The following EFCAB7 variants were observed in gnomAD, a reference collection of about 807,000 sequenced individuals.
EFCAB7 encodes the protein EF-hand calcium binding domain 7.
In EFCAB7, 66 loss-of-function variants were observed where a neutral mutation model predicts 77.1. The ratio of observed to expected loss-of-function variants is 0.86; its 90% CI spans 0.70 to 1.05. The LOEUF (loss-of-function observed/expected upper bound fraction) is 1.05, where lower values mean the gene tolerates loss of function less well. EFCAB7 is among the 50% of genes least tolerant of loss of function. EFCAB7 has a pLI of 0.00. For synonymous variants in EFCAB7, 225 were observed against 243.3 expected, an observed-to-expected ratio of 0.92 and a Z score of 0.70; for missense variants, 638 against 730.5, an observed-to-expected ratio of 0.87 and a Z score of 1.46.
At chr1:63,575,295 G>C (rs1647380506), downstream of EFCAB7, among the ~76,000 whole-genome samples, 1 of 151,800 alleles carries the variant, frequency 6.6e-6, no homozygotes, top group Non-Finnish European at 1.5e-5. Context: ...ATTAGATATT[G>C]GGGTAGACTT....
At chr1:63,547,461 T>G (rs1288657182) in intron 7 of EFCAB7, 1 of 152,158 alleles carries the variant, frequency 6.6e-6, no homozygotes, top group Admixed American at 6.5e-5. Context: ...GAAAGGGGGT[T>G]AGTGAGTGCT....
intron 11 of EFCAB7, among the ~76,000 whole-genome samples, chr1:63,562,449 TTATATATATA>T (rs869302346): frequency 3.9e-3 from 88 of 22,480 alleles, no homozygotes; most frequent in Admixed American, 0.011. Flanking sequence ...CTTAATTTAT[TTATATATATA>T]TATATATATA....
rs1262035886 is a variant in EFCAB7, at chr1:63,532,763, A to G, written c.486+7A>G. 8 of 1,587,008 alleles carry G rather than the reference A, an allele frequency of 5.0e-6. No homozygotes were observed. In the African/African-American group the frequency reaches 1.1e-4, roughly 22 times the overall value. On this transcript the variant is annotated splice_region_variant and intron_variant, in intron 4 of 13. Transcript: ENST00000371088. ...CAAATTTGACTACATCAAGGTACATAAGCTCACATTGATGTAAATTTACAT... is the reference window on the plus strand; with the variant it reads ...CAAATTTGACTACATCAAGGTACATGAGCTCACATTGATGTAAATTTACAT...
intron 6 of EFCAB7, among the ~76,000 whole-genome samples, chr1:63,545,219 CTTTA>C (rs1188259941): frequency 6.6e-6 from 1 of 151,702 alleles, no homozygotes; most frequent in Non-Finnish European, 1.5e-5. Context: ...GCCCAGCCAA[CTTTA>C]TTTTTCTTAC....
chr1:63,559,044 G>A (rs1647062750), intron 10 of EFCAB7, among the ~76,000 whole-genome samples: 1 of 151,608 alleles, frequency 6.6e-6, no homozygotes, highest in Non-Finnish European at 1.5e-5. Flanking sequence ...AAATTGGCCT[G>A]TAATCCCAGC....
At position 63,533,508 on chromosome 1, in the gene EFCAB7, A is replaced by G. The variant is rs768401511; in HGVS notation, c.541A>G (p.Lys181Glu). The change falls in exon 5 of 14, where the codon AAA (lysine) becomes GAA (glutamate). Residue 181 changes from lysine (K) to glutamate (E), a missense_variant. Physicochemically the swap from Lys to Glu is moderately conservative, Grantham distance 56. Coordinates refer to ENST00000371088, the MANE Select transcript of EFCAB7 (RefSeq NM_032437.4). ...NEQCLKTTLE[K>E]LEVDSKLMRH... is the part of the protein sequence containing the mutation. Reference sequence around the variant, plus strand: ...GCAATGTCTCAAGACTACACTAGAAAAACTAGAGGTTGACAGTAAATTGAT... The same window carrying G: ...GCAATGTCTCAAGACTACACTAGAAGAACTAGAGGTTGACAGTAAATTGAT... The G allele has an allele frequency of 2.5e-6, 4 of 1,612,376 alleles. No homozygotes were observed. The highest frequency in any genetic ancestry group is 1.7e-4 in the Middle Eastern group (1 of 6,060).
chr1:63,553,443 G>A (rs1467721035), intron 8 of EFCAB7, among the ~76,000 whole-genome samples: 1 of 152,094 alleles, frequency 6.6e-6, no homozygotes, highest in Non-Finnish European at 1.5e-5. Flanking sequence ...GGGTTCAAGT[G>A]ATTCTCCTGC....
rs750547785 is a variant in EFCAB7 at position 63,555,492 on chromosome 1, A to G, written c.1191A>G (p.Glu397=). The G allele has an allele frequency of 1.9e-6, 3 of 1,612,992 alleles. No individual in the cohort carries two copies. The Admixed American group carries it at 5.0e-5, about 27-fold the overall frequency. Residue 397 remains glutamate (E), a synonymous_variant, in exon 9 of 14, where the codon GAA becomes GAG. Transcript: ENST00000371088. ...AQLVYRDETG[E]LFLTKEFKST... is the part of the protein sequence containing the mutation. The stretch of plus-strand genomic sequence containing the variant: ...TTGTATATAGAGATGAAACAGGGGA[A>G]TTATTCCTTACAAAGGAATTTAAGT...
intron 11 of EFCAB7, among the ~76,000 whole-genome samples, chr1:63,565,438 G>A (rs1647159354): frequency 6.6e-6 from 1 of 151,940 alleles, no homozygotes; most frequent in South Asian, 2.1e-4. Flanking sequence ...AACTCTGAGA[G>A]ACAACCTAGG....
intron 4 of EFCAB7, among the ~76,000 whole-genome samples, chr1:63,533,246 G>A (rs1411767864): frequency 6.6e-6 from 1 of 152,100 alleles, no homozygotes; most frequent in Non-Finnish European, 1.5e-5. Context: ...TTCACACAGA[G>A]TATGAACTCC....
intron 6 of EFCAB7, among the ~76,000 whole-genome samples, chr1:63,541,108 A>G (rs1055390548): frequency 6.6e-6 from 1 of 152,130 alleles, no homozygotes; most frequent in African/African-American, 2.4e-5. Flanking sequence ...CATGAGGGAA[A>G]TGTTCAGCCT....
chr1:63,568,455 A>G lies in EFCAB7; in HGVS notation c.1643A>G (p.Tyr548Cys), dbSNP rs1647194727. The G allele has an allele frequency of 6.3e-6, 10 of 1,592,672 alleles. No homozygotes were observed. Among genetic ancestry groups the G allele is most frequent in the South Asian group, 2.3e-5 (2 of 86,910 alleles). Residue 548 changes from tyrosine to cysteine, a missense_variant, in exon 12 of 14, where the codon TAT becomes TGT. Transcript: ENST00000371088. ...SNGDAKVMDG[Y>C]ENIIVHTYSC... Reference sequence around the variant, plus strand: ...GGTGATGCCAAAGTAATGGATGGCTATGAAAATATAATCGTGCATACTTAC... The same window carrying G: ...GGTGATGCCAAAGTAATGGATGGCTGTGAAAATATAATCGTGCATACTTAC...
In EFCAB7 at chr1:63,533,618, A is replaced by G; in HGVS notation, c.651A>G (p.Arg217=). 1 of 1,583,072 alleles carries G rather than the reference A, an allele frequency of 6.3e-7. No homozygotes were observed. Among genetic ancestry groups the G allele is most frequent in the Admixed American group, 2.0e-5 (1 of 50,268 alleles). ...PVPKPSPKIT[R]KTDPETFLNK... Reference sequence around the variant, plus strand: ...CAAAACCATCACCTAAAATCACAAGAAAAACTGATCCAGAAACATTCTTAA... The same window carrying G: ...CAAAACCATCACCTAAAATCACAAGGAAAACTGATCCAGAAACATTCTTAA... Residue 217 remains arginine (R), a synonymous_variant, in exon 5 of 14, where the codon AGA becomes AGG. Coordinates refer to ENST00000371088, the MANE Select transcript of EFCAB7 (RefSeq NM_032437.4).
chr1:63,568,638 T>C, intron 12 of EFCAB7, 119 bp downstream of exon 12: 1 of 691,066 alleles, frequency 1.4e-6, no homozygotes, highest in Non-Finnish European at 2.2e-6. Flanking sequence ...ATAATGTTTA[T>C]AATGCATAAT....
intron 6 of EFCAB7, among the ~76,000 whole-genome samples, chr1:63,535,420 A>G (rs1361272629): frequency 6.6e-6 from 1 of 152,132 alleles, no homozygotes; most frequent in African/African-American, 2.4e-5. Flanking sequence ...GCTACACTAT[A>G]GCATAGTATT....
intron 8 of EFCAB7, among the ~76,000 whole-genome samples, chr1:63,554,177 T>C (rs1646999475): frequency 6.6e-6 from 1 of 152,120 alleles, no homozygotes; most frequent in Non-Finnish European, 1.5e-5. Context: ...AGGATTCTCT[T>C]GGGTTAGTCT....
At chr1:63,545,737 T>C (rs1646889895) in intron 6 of EFCAB7, among the ~76,000 whole-genome samples, 179 bp from the exon 7 acceptor site, 1 of 152,184 alleles carries the variant, frequency 6.6e-6, no homozygotes, top group Non-Finnish European at 1.5e-5. Context: ...CACCATGCCC[T>C]GTGTATAATA....
intron 4 of EFCAB7, 123 bp from the exon 5 acceptor site, chr1:63,533,331 C>T (rs1320628004): frequency 4.4e-6 from 3 of 674,178 alleles, no homozygotes; most frequent in African/African-American, 1.9e-5. Flanking sequence ...AAATGCGTAA[C>T]CATCAATAGG....
intron 11 of EFCAB7, among the ~76,000 whole-genome samples, chr1:63,566,453 G>A (rs1026922137): frequency 2.0e-5 from 3 of 151,962 alleles, no homozygotes; most frequent in African/African-American, 4.8e-5. Flanking sequence ...TATGACACAC[G>A]TTTACCTGTG....
Sources: allele counts gnomAD v4.1 joint callset (sites outside exome capture counted in the v4.1 genomes callset), GRCh38; gene constraint gnomAD v4.1.1; transcripts MANE v1.5; gene names NCBI Gene and HGNC (gene_info 2026-07-23, HGNC 2026-07-21).